The following ACTR3C variants were observed in gnomAD, a reference collection of about 807,000 sequenced individuals.
ACTR3C encodes the protein actin-related protein 3C.
A neutral mutation model predicts 26.3 loss-of-function variants in ACTR3C; 18 were observed. That is an observed-to-expected ratio of 0.68 (90% CI 0.47 to 1.01). The LOEUF is 1.01. Ranked by LOEUF, ACTR3C falls within the 50% of genes least tolerant of loss-of-function variation. ACTR3C has a pLI of 0.00. For synonymous variants in ACTR3C, 55 were observed against 94.5 expected, an observed-to-expected ratio of 0.58 and a Z score of 2.42; for missense variants, 184 against 250.7, an observed-to-expected ratio of 0.73 and a Z score of 1.80.
At chr7:150,211,372 C>T in the ACTR3C span, among the ~76,000 whole-genome samples, 1 of 151,160 alleles carries the variant, frequency 6.6e-6, no homozygotes, top group Non-Finnish European at 1.5e-5. Flanking sequence ...ACCTCTACCT[C>T]CTGGGTTCAA....
intron 6 of ACTR3C, among the ~76,000 whole-genome samples, chr7:150,253,134 C>T (rs755728571): frequency 7.9e-5 from 12 of 152,120 alleles, no homozygotes; most frequent in East Asian, 1.9e-4. Context: ...CTGCCCACGC[C>T]GTGTAAAGAT....
downstream of ACTR3C, among the ~76,000 whole-genome samples, chr7:150,242,952 C>T (rs1281531847): frequency 6.6e-6 from 1 of 152,106 alleles, no homozygotes; most frequent in African/African-American, 2.4e-5. Flanking sequence ...TAAATATGTT[C>T]TTATCCTCTT....
chr7:150,020,841 A>C, the ACTR3C span, among the ~76,000 whole-genome samples: 1 of 152,052 alleles, frequency 6.6e-6, no homozygotes, highest in South Asian at 2.1e-4. Flanking sequence ...TATTTTTGTG[A>C]TGGAGTTTTG....
the ACTR3C span, among the ~76,000 whole-genome samples, chr7:150,129,869 T>C: frequency 1.3e-5 from 2 of 152,150 alleles, no homozygotes; most frequent in African/African-American, 4.8e-5. Context: ...TAATCTAGAA[T>C]AGCCAAAACA....
the ACTR3C span, among the ~76,000 whole-genome samples, chr7:149,882,324 C>T: frequency 1.3e-5 from 2 of 152,212 alleles, no homozygotes; most frequent in African/African-American, 4.8e-5. Flanking sequence ...TCTTTAGACA[C>T]TCTCCCGGGA....
chr7:150,111,256 G>A, the ACTR3C span, among the ~76,000 whole-genome samples: 2 of 115,270 alleles, frequency 1.7e-5, 1 homozygote, highest in Non-Finnish European at 3.6e-5. Context: ...TCCCGCACAC[G>A]TTGGCAAGGA....
chr7:149,986,116 T>A, the ACTR3C span, among the ~76,000 whole-genome samples: 1 of 152,090 alleles, frequency 6.6e-6, no homozygotes, highest in African/African-American at 2.4e-5. Context: ...CTGTCTGCTC[T>A]GTGACCTCCA....
At chr7:150,238,104 A>G in the ACTR3C span, among the ~76,000 whole-genome samples, 1 of 149,734 alleles carries the variant, frequency 6.7e-6, no homozygotes, top group African/African-American at 2.5e-5. Flanking sequence ...ATTATGAGAC[A>G]TACGCTAACA....
chr7:150,182,408 CTTACT>C, the ACTR3C span, among the ~76,000 whole-genome samples: 1 of 150,778 alleles, frequency 6.6e-6, no homozygotes, highest in African/African-American at 2.5e-5. Context: ...ATTGTAACAG[CTTACT>C]TTAAATTGTG....
chr7:150,048,666 G>A, the ACTR3C span, among the ~76,000 whole-genome samples: 3 of 150,432 alleles, frequency 2.0e-5, no homozygotes, highest in Non-Finnish European at 3.0e-5. Flanking sequence ...CACGCGCTGC[G>A]GCGCCGGGCT....
At chr7:150,037,574 C>G in the ACTR3C span, among the ~76,000 whole-genome samples, 13 of 20,000 alleles carry the variant, frequency 6.5e-4, no homozygotes, top group South Asian at 1.7e-3. Flanking sequence ...CCTAAGAACC[C>G]GGGGGGGAAG....
chr7:150,319,442 G>A lies in ACTR3C; in HGVS notation c.-52+4027C>T, dbSNP rs546859138. Reference sequence around the variant, plus strand: ...GGCTGGTCTTGAACTCCTGACCTCAGGTGATTTGCCTGCCTCGGCCTCCCA... The same window carrying A: ...GGCTGGTCTTGAACTCCTGACCTCAAGTGATTTGCCTGCCTCGGCCTCCCA... On this transcript the variant is annotated intron_variant, in intron 1 of 7. Coordinates refer to ENST00000683684, the MANE Select transcript of ACTR3C (RefSeq NM_001164458.2). Among the ~76,000 whole-genome samples, 10 of 152,220 alleles carry A rather than the reference G, an allele frequency of 6.6e-5. No homozygotes were observed. The South Asian group carries it at 2.1e-3, about 32-fold the overall frequency.
chr7:150,215,787 G>A, the ACTR3C span, among the ~76,000 whole-genome samples: 2 of 151,480 alleles, frequency 1.3e-5, no homozygotes, highest in African/African-American at 4.9e-5. Context: ...GGCAAAAATG[G>A]CTAGGAAAGG....
chr7:150,067,532 T>A, the ACTR3C span, among the ~76,000 whole-genome samples: 11 of 152,198 alleles, frequency 7.2e-5, no homozygotes, highest in African/African-American at 2.2e-4. Flanking sequence ...ACCTCTGGAC[T>A]CAGATTCTAT....
At chr7:150,110,010 G>C in the ACTR3C span, among the ~76,000 whole-genome samples, 1 of 141,994 alleles carries the variant, frequency 7.0e-6, no homozygotes, top group Non-Finnish European at 1.5e-5. Flanking sequence ...TGCCATGAAG[G>C]CCACCATTAA....
intron 6 of ACTR3C, among the ~76,000 whole-genome samples, chr7:150,283,437 GA>G (rs1835507580): frequency 6.7e-6 from 1 of 149,684 alleles, no homozygotes; most frequent in Non-Finnish European, 1.5e-5. Context: ...TATCTAAACA[GA>G]AAAAAATTTT....
chr7:150,093,269 G>C, the ACTR3C span, among the ~76,000 whole-genome samples: 1 of 151,046 alleles, frequency 6.6e-6, no homozygotes, highest in Non-Finnish European at 1.5e-5. Context: ...GCTTCTCAGG[G>C]GTGAGACCCC....
the ACTR3C span, among the ~76,000 whole-genome samples, chr7:150,046,225 T>C: frequency 6.6e-6 from 1 of 151,272 alleles, no homozygotes; most frequent in African/African-American, 2.4e-5. Context: ...GTGATCTCCA[T>C]TAAAGTTTCC....
At chr7:150,242,394 T>G (rs1297485632), downstream of ACTR3C, among the ~76,000 whole-genome samples, 1 of 150,680 alleles carries the variant, frequency 6.6e-6, no homozygotes, top group Non-Finnish European at 1.5e-5. Context: ...GGCCAGACTG[T>G]CTGCAAAGGG....
Sources: gnomAD v4.1 joint callset for allele counts (sites outside exome capture counted in the v4.1 genomes callset) on GRCh38, gnomAD v4.1.1 for gene constraint, MANE v1.5 for transcripts, NCBI Gene and HGNC (gene_info 2026-07-23, HGNC 2026-07-21) for gene names.